CPXM1: variants seen among roughly 807,000 people sequenced by gnomAD.
CPXM1 encodes the protein probable carboxypeptidase X1.
CPXM1 carries 72 observed loss-of-function variants against 80.4 expected under a neutral mutation model. The observed-to-expected ratio is 0.90, with a 90% CI of 0.74 to 1.09. CPXM1 has a LOEUF of 1.09. Ranked by LOEUF, CPXM1 falls within the 50% of genes least tolerant of loss-of-function variation. The pLI is 0.00. For missense variants in CPXM1, 892 were observed against 999.4 expected (o/e 0.89, Z 1.45); for synonymous variants, 403 against 405.6 (o/e 0.99, Z 0.08).
chr20:2,796,569 A>G lies in CPXM1; in HGVS notation c.1003T>C (p.Tyr335His). 1 of 1,614,092 alleles carries G rather than the reference A, an allele frequency of 6.2e-7. No individual in the cohort carries two copies. The highest frequency in any genetic ancestry group is 8.5e-7 in the Non-Finnish European group (1 of 1,180,010). Residue 335 changes from tyrosine (Y) to histidine (H), a missense_variant, in exon 8 of 14, where the codon TAT becomes CAT. Tyr to His is a moderately conservative substitution (Grantham distance 83). Coordinates refer to ENST00000380605, the MANE Select transcript of CPXM1 (RefSeq NM_019609.5). The surrounding 1 kb of genome is among the most constrained non-coding windows in gnomAD (Gnocchi z 6.8). ...IGKSYQGLKL[Y>H]VMEMSDKPGE... ...GGCTTGTCCGACATTTCCATCACAT[A>G]CAGCTTCAGGCCCTGGTAGCTCTTC...
In CPXM1 at chr20:2,798,401, C is replaced by G. The variant is rs373691006; in HGVS notation, c.450+27G>C. 1.3e-3 allele frequency: 2,159 copies of G among 1,606,598 alleles called. 4 individuals carry two copies. The highest frequency in any genetic ancestry group is 1.8e-3 in the Non-Finnish European group (2,063 of 1,174,682). ...AGGGGCTGCCTTCCCTACCCTGAGA[C>G]CATGGCTCCGAGCCAGGATTACTGA... On this transcript the variant is annotated intron_variant, in intron 3 of 13. Transcript: ENST00000380605.
At position 2,794,143 on chromosome 20, in the gene CPXM1, C is replaced by A; in HGVS notation, c.*47G>T. 6.4e-7 allele frequency: 1 copy of A among 1,551,324 alleles called. No homozygotes were observed. Among genetic ancestry groups the A allele is most frequent in the Non-Finnish European group, 8.7e-7 (1 of 1,149,680 alleles). ...CCCTCCCTCTCTACTCTTCCCCTTC[C>A]CGTCTTGACAGGTCCAGCCTGCCCT... On this transcript the variant is annotated 3_prime_UTR_variant, in exon 14 of 14. Transcript: ENST00000380605. This position sits in a 1 kb window ranked among gnomAD's most constrained non-coding sequence, Gnocchi z 5.2.
chr20:2,796,801 G>T lies in CPXM1; in HGVS notation c.922-151C>A. 8.6e-7 allele frequency: 1 copy of T among 1,163,798 alleles called. No homozygotes were observed. 72.1% of individuals were successfully genotyped at this position (1,163,798 alleles called of 1,614,324 possible). On this transcript the variant is annotated intron_variant, in intron 7 of 13. Coordinates refer to ENST00000380605, the MANE Select transcript of CPXM1 (RefSeq NM_019609.5). The surrounding 1 kb of genome is among the most constrained non-coding windows in gnomAD (Gnocchi z 6.8). ...ACAGGAGGGGAGCGGCAGCAGAGCC[G>T]GGAGGAAGGGGTAGGACTGGGGGGG...
chr20:2,798,063 C>T lies in CPXM1; in HGVS notation c.591-5G>A. 6.2e-7 allele frequency: 1 copy of T among 1,614,168 alleles called. No homozygotes were observed. On this transcript the variant is annotated splice_polypyrimidine_tract_variant and splice_region_variant and intron_variant, in intron 4 of 13. Coordinates refer to ENST00000380605, the MANE Select transcript of CPXM1 (RefSeq NM_019609.5). ...TATGATGTGACCCAGTCATACCTGG[C>T]AGGAGAGGTGGAGAGAGATCATCGG...
intron 1 of CPXM1, among the ~76,000 whole-genome samples, chr20:2,799,750 C>G (rs2088547768): frequency 6.6e-6 from 1 of 152,186 alleles, no homozygotes; most frequent in Admixed American, 6.5e-5. Context: ...GCTGGGAGGT[C>G]GGGCTGCCTT....
Position 2,798,286 on chromosome 20 carries a change from G to T in CPXM1, c.456C>A (p.Gly152=). The T allele has an allele frequency of 6.2e-7, 1 of 1,613,802 alleles. No homozygotes were observed. Among genetic ancestry groups the T allele is most frequent in the African/African-American group, 1.3e-5 (1 of 75,018 alleles). ...PHRGRLNIQS[G]LEDGDLYDGA... ...CATCATATAGATCGCCGTCCTCCAGGCCTGACTGCAGACACAGGACATGGT... is the reference window on the plus strand; with the variant it reads ...CATCATATAGATCGCCGTCCTCCAGTCCTGACTGCAGACACAGGACATGGT... Residue 152 remains glycine (G), a synonymous_variant, in exon 4 of 14, where the codon GGC becomes GGA. Coordinates refer to ENST00000380605, the MANE Select transcript of CPXM1 (RefSeq NM_019609.5).
In CPXM1 at chr20:2,794,237, G is replaced by A. The variant is rs1437416919; in HGVS notation, c.2158C>T (p.Pro720Ser). ...ELLAAGAKVP[P>S]DLRRRLERLR... is the part of the protein sequence containing the mutation. ...CGCTCCAGGCGCCTGCGAAGGTCCG[G>A]GGGCACCTTGGCCCCAGCTGCCAGC... Residue 720 changes from proline to serine, a missense_variant, in exon 14 of 14, where the codon CCG becomes TCG. Pro to Ser is a moderately conservative substitution (Grantham distance 74). Around this residue, in one of 2 missense-constraint regions of CPXM1, gnomAD observed 874 missense variants for 958.4 expected, o/e 0.91. Transcript: ENST00000380605. This position sits in a 1 kb window ranked among gnomAD's most constrained non-coding sequence, Gnocchi z 5.2. The A allele has an allele frequency of 3.1e-6, 5 of 1,613,930 alleles. No individual in the cohort carries two copies. The highest frequency in any genetic ancestry group is 4.2e-6 in the Non-Finnish European group (5 of 1,180,020).
At position 2,796,801 on chromosome 20, in the gene CPXM1, G is replaced by A. The variant is rs1432887754; in HGVS notation, c.922-151C>T. The A allele has an allele frequency of 5.2e-5, 61 of 1,163,676 alleles. No homozygotes were observed. Among genetic ancestry groups the A allele is most frequent in the South Asian group, 2.1e-4 (14 of 67,692 alleles). The allele number at this position is 1,163,676 out of a possible 1,614,324, so 72.1% of individuals were successfully genotyped here. ...ACAGGAGGGGAGCGGCAGCAGAGCC[G>A]GGAGGAAGGGGTAGGACTGGGGGGG... On this transcript the variant is annotated intron_variant, in intron 7 of 13. Transcript: ENST00000380605. The surrounding 1 kb of genome is among the most constrained non-coding windows in gnomAD (Gnocchi z 6.8).
At position 2,796,610 on chromosome 20, in the gene CPXM1, C is replaced by A. The variant is rs773155636; in HGVS notation, c.962G>T (p.Arg321Leu). ...GTAGCTCTTCCCAATGCTGTAGATG[C>A]GGGTGATGTTGGGGCATTGCTCTTG... The part of the protein sequence containing the change: ...QVQEQCPNIT[R>L]IYSIGKSYQG... The change falls in exon 8 of 14, where the codon CGC becomes CTC. Residue 321 changes from arginine (R) to leucine (L), a missense_variant. Coordinates refer to ENST00000380605, the MANE Select transcript of CPXM1 (RefSeq NM_019609.5). The surrounding 1 kb of genome is among the most constrained non-coding windows in gnomAD (Gnocchi z 6.8). 3 of 1,614,046 alleles carry A rather than the reference C, an allele frequency of 1.9e-6. No individual in the cohort carries two copies. The highest frequency in any genetic ancestry group is 2.5e-6 in the Non-Finnish European group (3 of 1,180,018).
chr20:2,794,468 A>G lies in CPXM1; in HGVS notation c.1964-37T>C, dbSNP rs780836336. On this transcript the variant is annotated intron_variant, in intron 13 of 13. Transcript: ENST00000380605. This position sits in a 1 kb window ranked among gnomAD's most constrained non-coding sequence, Gnocchi z 5.2. The stretch of plus-strand genomic sequence containing the variant: ...GAAGGGCACGATCAGGACCCAATTA[A>G]TGATCTTCTGCTTCTTCCCGAGCCT... The G allele has an allele frequency of 3.1e-6, 5 of 1,613,338 alleles. No homozygotes were observed. The South Asian group carries it at 5.5e-5, about 18-fold the overall frequency.
rs757026350 is a variant in CPXM1, at chr20:2,797,087, A to G, written c.840T>C (p.Asn280=). 1 of 1,614,080 alleles carries G rather than the reference A, an allele frequency of 6.2e-7. No individual in the cohort carries two copies. Among genetic ancestry groups the G allele is most frequent in the South Asian group, 1.1e-5 (1 of 91,080 alleles). The change falls in exon 7 of 14, where the codon AAT becomes AAC. Residue 280 remains asparagine, a synonymous_variant. Coordinates refer to ENST00000380605, the MANE Select transcript of CPXM1 (RefSeq NM_019609.5). ...ACGCAGGGGCCTCAAGGAATAGGTCATTGGGGTCTGGTGGAGGTTGAGTTT... is the reference window on the plus strand; with the variant it reads ...ACGCAGGGGCCTCAAGGAATAGGTCGTTGGGGTCTGGTGGAGGTTGAGTTT... ...EILACPVSDP[N]DLFLEAPASG...
chr20:2,797,652 C>A (rs1023285161), intron 5 of CPXM1, among the ~76,000 whole-genome samples: 1 of 152,164 alleles, frequency 6.6e-6, no homozygotes, highest in Non-Finnish European at 1.5e-5. Flanking sequence ...CCATGAGATG[C>A]GGAAGTCAGA....
chr20:2,800,467 T>C lies in CPXM1; in HGVS notation c.106A>G (p.Lys36Glu). ...AGGGCCGGGGTCGAGCCTGGGACCT[T>C]GGTGGTCCCGGGCTGCGCGAGGCCC... ...VLGLAQPGTT[K>E]VPGSTPALHS... The change falls in exon 1 of 14, where the codon AAG (lysine) becomes GAG (glutamate). Residue 36 changes from lysine (K) to glutamate (E), a missense_variant. Physicochemically the swap from Lys to Glu is moderately conservative, Grantham distance 56. Around this residue, in one of 2 missense-constraint regions of CPXM1, gnomAD observed 874 missense variants for 958.4 expected, o/e 0.91. Coordinates refer to ENST00000380605, the MANE Select transcript of CPXM1 (RefSeq NM_019609.5). 2.0e-6 allele frequency: 3 copies of C among 1,471,456 alleles called. No homozygotes were observed. Among genetic ancestry groups the C allele is most frequent in the Non-Finnish European group, 2.7e-6 (3 of 1,118,508 alleles). The allele number at this position is 1,471,456 out of a possible 1,614,324, so 91.1% of individuals were successfully genotyped here.
In CPXM1 at chr20:2,795,938, G is replaced by T. The variant is rs200677998; in HGVS notation, c.1423-42C>A. Reference sequence around the variant, plus strand: ...AGGAGGGGCAGGAGACAGAGACAAGGTCCGCCCCCCACAGACCTCCACTGC... The same window carrying T: ...AGGAGGGGCAGGAGACAGAGACAAGTTCCGCCCCCCACAGACCTCCACTGC... On this transcript the variant is annotated intron_variant, in intron 10 of 13. Coordinates refer to ENST00000380605, the MANE Select transcript of CPXM1 (RefSeq NM_019609.5). The surrounding 1 kb of genome is among the most constrained non-coding windows in gnomAD (Gnocchi z 5.4). 9 of 1,601,512 alleles carry T rather than the reference G, an allele frequency of 5.6e-6. No individual in the cohort carries two copies. The highest frequency in any genetic ancestry group is 1.1e-5 in the South Asian group (1 of 89,558).
In CPXM1 at chr20:2,796,292, C is replaced by T; in HGVS notation, c.1197G>A (p.Leu399=). The T allele has an allele frequency of 6.2e-7, 1 of 1,613,820 alleles. No individual in the cohort carries two copies. Among genetic ancestry groups the T allele is most frequent in the Non-Finnish European group, 8.5e-7 (1 of 1,180,000 alleles). Residue 399 remains leucine (L), a synonymous_variant, in exon 9 of 14, where the codon CTG becomes CTA. Transcript: ENST00000380605. This position sits in a 1 kb window ranked among gnomAD's most constrained non-coding sequence, Gnocchi z 6.8. ...AGCCATCAGGGTTCATGGAGGGCAG[C>T]AGGTGAATGCGCATCTCAGAGAGCA... ...TRLLSEMRIH[L]LPSMNPDGYE...
chr20:2,798,573 G>A lies in CPXM1; in HGVS notation c.341-36C>T, dbSNP rs1369600910. ...GATAGAACAGTGAGACAGGACCAGA[G>A]GGAGGGTAGCCAGGGCAGGTGGGAA... On this transcript the variant is annotated intron_variant, in intron 2 of 13. Transcript: ENST00000380605. 3 of 1,589,860 alleles carry A rather than the reference G, an allele frequency of 1.9e-6. No homozygotes were observed. In the African/African-American group the frequency reaches 4.0e-5, roughly 21 times the overall value.
rs2088509875 is a variant in CPXM1, at chr20:2,796,431, AC to A, written c.1057del (p.Val353CysfsTer21). 2.5e-6 allele frequency: 4 copies of A among 1,613,892 alleles called. No homozygotes were observed. Among genetic ancestry groups the A allele is most frequent in the Non-Finnish European group, 3.4e-6 (4 of 1,179,938 alleles). On this transcript the variant is annotated frameshift_variant, in exon 9 of 14. Transcript: ENST00000380605. LOFTEE classifies it high-confidence loss of function. This position sits in a 1 kb window ranked among gnomAD's most constrained non-coding sequence, Gnocchi z 6.8. ...CCCATGCATGCCAGCCACGTAGCGC[AC>A]CTCAGGCTCCCCTGGGGACACATGG... ...PGEHELGEPEVRYVAGMHGNE... is the reference protein window; with the variant it reads ...PGEHELGEPEXRYVAGMHGNE...
Position 2,797,288 on chromosome 20 carries a change from G to A in CPXM1, c.736C>T (p.Pro246Ser). Residue 246 changes from proline (P) to serine (S), a missense_variant, in exon 6 of 14, where the codon CCC (proline) becomes TCC (serine). Pro to Ser is a moderately conservative substitution (Grantham distance 74). Transcript: ENST00000380605. ...ETPVLNLLPEPQVARFIRLLP... is the reference protein window; with the variant it reads ...ETPVLNLLPESQVARFIRLLP... Reference sequence around the variant, plus strand: ...AGGCGAATGAAGCGGGCCACCTGGGGCTCCGGCAGGAGGTTCAGCACTGGA... The same window carrying A: ...AGGCGAATGAAGCGGGCCACCTGGGACTCCGGCAGGAGGTTCAGCACTGGA... 6.4e-7 allele frequency: 1 copy of A among 1,565,014 alleles called. No homozygotes were observed. The highest frequency in any genetic ancestry group is 8.7e-7 in the Non-Finnish European group (1 of 1,154,802).
Position 2,796,862 on chromosome 20 carries a change from G to T in CPXM1, c.921+144C>A. The stretch of plus-strand genomic sequence containing the variant: ...AGGGAAAGTGGGATGGAGCTTAGGG[G>T]TCCACAGGAGAGAAGGCTGAGACAT... On this transcript the variant is annotated intron_variant, in intron 7 of 13. Transcript: ENST00000380605. This position sits in a 1 kb window ranked among gnomAD's most constrained non-coding sequence, Gnocchi z 6.8. 1 of 976,104 alleles carries T rather than the reference G, an allele frequency of 1.0e-6. No homozygotes were observed. Among genetic ancestry groups the T allele is most frequent in the Non-Finnish European group, 1.6e-6 (1 of 644,750 alleles). 60.5% of individuals were successfully genotyped at this position (976,104 alleles called of 1,614,324 possible).
Sources: allele counts gnomAD v4.1 joint callset (sites outside exome capture counted in the v4.1 genomes callset), GRCh38; gene constraint gnomAD v4.1.1; regional missense constraint gnomAD v4.1.1; non-coding constraint Gnocchi (gnomAD v3.1); transcripts MANE v1.5; gene names NCBI Gene and HGNC (gene_info 2026-07-23, HGNC 2026-07-21).